The following REV3L variants were observed in gnomAD, a reference collection of about 807,000 sequenced individuals.
REV3L encodes DNA polymerase zeta catalytic subunit.
In REV3L, 69 loss-of-function variants were observed where a neutral mutation model predicts 299.4. That is an observed-to-expected ratio of 0.23 (90% CI 0.19 to 0.28). REV3L has a LOEUF of 0.28. Among genes scored for constraint, REV3L ranks in the 10% least tolerant of loss-of-function variants. The pLI is 1.00. For synonymous variants in REV3L, 1,238 were observed against 1,271.4 expected (o/e 0.97, Z 0.56); for missense variants, 3,128 against 3,693.8 (o/e 0.85, Z 3.97).
chr6:111,463,156 G>A (rs1207847754), intron 1 of REV3L, among the ~76,000 whole-genome samples: 1 of 152,172 alleles, frequency 6.6e-6, no homozygotes, highest in Non-Finnish European at 1.5e-5. Context: ...GTCCAAAGCT[G>A]TTAACGGTAT....
At chr6:111,394,127 T>C (rs894754061) in intron 4 of REV3L, among the ~76,000 whole-genome samples, 1 of 152,118 alleles carries the variant, frequency 6.6e-6, no homozygotes, top group African/African-American at 2.4e-5. Flanking sequence ...ATATATTGAA[T>C]TGATTTCCTT....
intron 24 of REV3L, chr6:111,331,124 T>C: frequency 1.8e-6 from 1 of 544,800 alleles, no homozygotes; most frequent in Non-Finnish European, 2.3e-6. Flanking sequence ...TTTTAAGATG[T>C]CTCTTATTTG....
chr6:111,405,361 C>G (rs1783516303), intron 4 of REV3L, 109 bp downstream of exon 4: 2 of 649,340 alleles, frequency 3.1e-6, no homozygotes, highest in Admixed American at 4.1e-5. Context: ...TTTAGTCACT[C>G]AACATTTATT....
In REV3L at chr6:111,337,233, T is replaced by C. The variant is rs1582575462; in HGVS notation, c.7539-1623A>G. Reference sequence around the variant, plus strand: ...TACTGAAAGCCAGTGAATTATATACTTTAAATGGGTAAATTGTATGATATA... The same window carrying C: ...TACTGAAAGCCAGTGAATTATATACCTTAAATGGGTAAATTGTATGATATA... On this transcript the variant is annotated intron_variant, in intron 21 of 31. Transcript: ENST00000368802. 2.0e-5 allele frequency among the ~76,000 whole-genome samples: 3 copies of C among 152,320 alleles called. No homozygotes were observed. The South Asian group carries it at 6.2e-4, about 32-fold the overall frequency.
At chr6:111,360,397 A>T (rs902222756) in intron 16 of REV3L, among the ~76,000 whole-genome samples, 12 of 150,952 alleles carry the variant, frequency 7.9e-5, no homozygotes, top group African/African-American at 1.7e-4. Flanking sequence ...TTCATTGCAA[A>T]TTTTTTTGTC....
chr6:111,430,189 C>G, intron 1 of REV3L: 1 of 804,978 alleles, frequency 1.2e-6, no homozygotes, highest in South Asian at 1.3e-5. Context: ...AAGCCTCTCA[C>G]AAGCACTTTA....
Position 111,299,875 on chromosome 6 carries a change from G to T in REV3L, c.*141C>A, listed in dbSNP as rs949583323. The T allele has an allele frequency of 5.6e-6, 4 of 717,614 alleles. No individual in the cohort carries two copies. Among genetic ancestry groups the T allele is most frequent in the Non-Finnish European group, 8.7e-6 (4 of 458,296 alleles). The allele number at this position is 717,614 out of a possible 1,614,324, so 44.5% of individuals were successfully genotyped here. A position where few individuals can be genotyped will look rare whatever the true frequency, so the allele number is the denominator to read the frequency against. ...AGATCAACAAGTACATTTTAATTCG[G>T]TTAGCATAGAAGTCTTCATAGTCTT... is the stretch of plus-strand genomic sequence containing the variant. On this transcript the variant is annotated 3_prime_UTR_variant, in exon 32 of 32. Transcript: ENST00000368802.
At chr6:111,325,369 C>A (rs1011282020) in intron 25 of REV3L, among the ~76,000 whole-genome samples, 2 of 152,144 alleles carry the variant, frequency 1.3e-5, no homozygotes, top group African/African-American at 4.8e-5. Context: ...AGACATTAAC[C>A]TCCACTATTA....
rs189412554 is a variant in REV3L at position 111,375,619 on chromosome 6, T to C, written c.2736A>G (p.Leu912=). Residue 912 remains leucine, a synonymous_variant, in exon 13 of 32, where the codon CTA becomes CTG. Transcript: ENST00000368802. ...GTLETEQSFG[L]YGNKYTLRAK... is the part of the protein sequence containing the mutation. ...CTCTAAGTGTGTATTTATTTCCATA[T>C]AGTCCAAAGGACTGCTCAGTTTCTA... The C allele has an allele frequency of 3.9e-5, 63 of 1,613,832 alleles. No homozygotes were observed. The Admixed American group carries it at 5.5e-4, about 14-fold the overall frequency.
chr6:111,350,143 C>A (rs1777444542), intron 19 of REV3L, among the ~76,000 whole-genome samples: 1 of 152,012 alleles, frequency 6.6e-6, no homozygotes, highest in African/African-American at 2.4e-5. Flanking sequence ...TTTAACAGGA[C>A]CATTTAAGAA....
chr6:111,397,906 G>A (rs765810559), intron 4 of REV3L, among the ~76,000 whole-genome samples: 11 of 151,904 alleles, frequency 7.2e-5, no homozygotes, highest in Non-Finnish European at 7.4e-5. Context: ...CAAAGTGTCA[G>A]GCTTACGGTG....
At chr6:111,343,894 T>C (rs367677826) in intron 21 of REV3L, 31 bp downstream of exon 21, 103 of 1,342,408 alleles carry the variant, frequency 7.7e-5, no homozygotes, top group Non-Finnish European at 1.0e-4. Context: ...GATGATTTTA[T>C]ATTACCTTCT....
rs528179980 is a variant in REV3L at position 111,390,585 on chromosome 6, C to T, written c.663-405G>A. On this transcript the variant is annotated intron_variant, in intron 5 of 31. Transcript: ENST00000368802. ...GACATCTTTTTCAGTATTCAAAAAACAAGGGAGAACATGCAATAAAAGGGA... is the reference window on the plus strand; with the variant it reads ...GACATCTTTTTCAGTATTCAAAAAATAAGGGAGAACATGCAATAAAAGGGA... Among the ~76,000 whole-genome samples, 12 of 152,126 alleles carry T rather than the reference C, an allele frequency of 7.9e-5. No homozygotes were observed. The South Asian group carries it at 2.5e-3, about 32-fold the overall frequency.
intron 10 of REV3L, among the ~76,000 whole-genome samples, chr6:111,380,476 GTC>G (rs1780722069): frequency 6.6e-6 from 1 of 152,082 alleles, no homozygotes. Flanking sequence ...AGCCAGGATG[GTC>G]TCGATCTCCT....
In REV3L at chr6:111,388,004, G is replaced by A; in HGVS notation, c.944C>T (p.Ser315Phe). The change falls in exon 8 of 32, where the codon TCT becomes TTT. Residue 315 changes from serine to phenylalanine, a missense_variant. This residue lies in a region of REV3L where 2,409 missense variants were observed against 2,611.8 expected (regional missense o/e 0.92). Coordinates refer to ENST00000368802, the MANE Select transcript of REV3L (RefSeq NM_001372078.1). ...LQEILKQNDF[S>F]VTLSGSVDYS... ...TCTATAATAAATAACCACTTACACA[G>A]AGAAATCATTCTGTTTGAGAATTTC... The A allele has an allele frequency of 6.2e-7, 1 of 1,611,558 alleles. No individual in the cohort carries two copies. Among genetic ancestry groups the A allele is most frequent in the Non-Finnish European group, 8.5e-7 (1 of 1,178,424 alleles).
At chr6:111,327,462 G>T (rs1228609442) in intron 25 of REV3L, among the ~76,000 whole-genome samples, 4 of 151,942 alleles carry the variant, frequency 2.6e-5, no homozygotes, top group Non-Finnish European at 5.9e-5. Context: ...GCAGAGGTGG[G>T]AGGATTGCTT....
At chr6:111,325,900 A>C (rs1369082466) in intron 25 of REV3L, among the ~76,000 whole-genome samples, 1 of 152,214 alleles carries the variant, frequency 6.6e-6, no homozygotes, top group Non-Finnish European at 1.5e-5. Flanking sequence ...GTACTCATTA[A>C]TCATTTCTAC....
intron 18 of REV3L, 47 bp from the exon 19 acceptor site, chr6:111,351,838 C>G (rs763482764): frequency 1.6e-6 from 2 of 1,236,558 alleles, no homozygotes; most frequent in Non-Finnish European, 2.3e-6. Context: ...TACATTTGAA[C>G]CTTTAACCAG....
At chr6:111,341,979 C>G (rs1023332281) in intron 21 of REV3L, among the ~76,000 whole-genome samples, 11 of 77,124 alleles carry the variant, frequency 1.4e-4, no homozygotes, top group African/African-American at 3.4e-4. Context: ...AGTTGTGAGC[C>G]CAGAAAAAAA....
Sources: allele counts gnomAD v4.1 joint callset (sites outside exome capture counted in the v4.1 genomes callset), GRCh38; gene constraint gnomAD v4.1.1; regional missense constraint gnomAD v4.1.1; transcripts MANE v1.5; gene names NCBI Gene and HGNC (gene_info 2026-07-23, HGNC 2026-07-21).